The following EPN2 variants were observed in gnomAD, a reference collection of about 807,000 sequenced individuals.
The protein encoded by EPN2 is epsin-2.
A neutral mutation model predicts 61.7 loss-of-function variants in EPN2; 34 were observed. That is an observed-to-expected ratio of 0.55 (90% CI 0.42 to 0.73). EPN2 has a LOEUF of 0.73. Ranked by LOEUF, EPN2 falls within the 30% of genes least tolerant of loss-of-function variation. EPN2 has a pLI of 0.00. For synonymous variants in EPN2, 349 were observed against 353.6 expected (o/e 0.99, Z 0.15); for missense variants, 714 against 839.2 (o/e 0.85, Z 1.84).
At chr17:19,332,680 C>G (rs1015661744) in intron 10 of EPN2, among the ~76,000 whole-genome samples, 1 of 152,194 alleles carries the variant, frequency 6.6e-6, no homozygotes, top group Non-Finnish European at 1.5e-5. Flanking sequence ...CCTGTAGAGC[C>G]CTTCCTTAAG....
chr17:19,328,834 G>A lies in EPN2; in HGVS notation c.1271G>A (p.Arg424Lys). The part of the protein sequence containing the change: ...SQQPASSAGK[R>K]ASDAWGAVST... ...CAGCCTGCCTCCAGTGCTGGGAAAA[G>A]AGCTTCTGACGCGTGGGGCGCAGTC... Residue 424 changes from arginine (R) to lysine (K), a missense_variant, in exon 8 of 11, where the codon AGA becomes AAA. Coordinates refer to ENST00000314728, the MANE Select transcript of EPN2 (RefSeq NM_014964.5). 1.9e-6 allele frequency: 3 copies of A among 1,613,598 alleles called. No homozygotes were observed. The highest frequency in any genetic ancestry group is 2.5e-6 in the Non-Finnish European group (3 of 1,179,680).
At chr17:19,327,257 A>G (rs567157930) in intron 7 of EPN2, among the ~76,000 whole-genome samples, 4 of 152,332 alleles carry the variant, frequency 2.6e-5, no homozygotes, top group South Asian at 4.1e-4. Flanking sequence ...TTTTTTTCAT[A>G]GAATGGAACA....
At chr17:19,258,078 C>T (rs1050578049) in intron 1 of EPN2, 2 of 154,436 alleles carry the variant, frequency 1.3e-5, no homozygotes, top group African/African-American at 4.8e-5. Context: ...CTTTGCTGGA[C>T]TTATAGGGCG....
chr17:19,295,366 A>ACACGCGCGCGCG lies in EPN2; in HGVS notation c.766+9577_766+9578insACGCGCGCGCGC, dbSNP rs147719775. 5.2e-3 allele frequency among the ~76,000 whole-genome samples: 725 copies of ACACGCGCGCGCG among 140,314 alleles called. 7 individuals carry two copies. The highest frequency in any genetic ancestry group is 0.017 in the African/African-American group (618 of 36,346). 92.1% of individuals were successfully genotyped at this position (140,314 alleles called of 152,430 possible). A position where few individuals can be genotyped will look rare whatever the true frequency, so the allele number is the denominator to read the frequency against. Reference sequence around the variant, plus strand: ...TACACACACACACACACACACACACACGCGCGTGCGCGCAAAATAGCCAGG... The same window carrying ACACGCGCGCGCG: ...TACACACACACACACACACACACACACACGCGCGCGCGCGCGCGTGCGCGCAAAATAGCCAGG... On this transcript the variant is annotated intron_variant, in intron 4 of 10. Coordinates refer to ENST00000314728, the MANE Select transcript of EPN2 (RefSeq NM_014964.5).
At chr17:19,258,653 G>A (rs888134129) in intron 1 of EPN2, among the ~76,000 whole-genome samples, 5 of 152,176 alleles carry the variant, frequency 3.3e-5, no homozygotes, top group Non-Finnish European at 7.3e-5. Flanking sequence ...TTAACCTAGA[G>A]AGCTAGTCCA....
At chr17:19,314,714 C>G (rs1158532115) in intron 7 of EPN2, among the ~76,000 whole-genome samples, 1 of 152,240 alleles carries the variant, frequency 6.6e-6, no homozygotes, top group Non-Finnish European at 1.5e-5. Flanking sequence ...CCACAGCTTT[C>G]ATTGACTGAA....
At chr17:19,327,299 GA>G (rs1227622043) in intron 7 of EPN2, among the ~76,000 whole-genome samples, 2 of 152,052 alleles carry the variant, frequency 1.3e-5, no homozygotes, top group Admixed American at 1.3e-4. Context: ...CAACACAGAT[GA>G]CTCTCTCAAA....
In EPN2 at chr17:19,285,484, G is replaced by C; in HGVS notation, c.596-136G>C. On this transcript the variant is annotated intron_variant, in intron 3 of 10. Coordinates refer to ENST00000314728, the MANE Select transcript of EPN2 (RefSeq NM_014964.5). This position sits in a 1 kb window ranked among gnomAD's most constrained non-coding sequence, Gnocchi z 4.5. Reference sequence around the variant, plus strand: ...GTTCAGGGTCAGAATGTGGTCAGTGGGCTTTTCACAGCTTCCACCGCAGTG... The same window carrying C: ...GTTCAGGGTCAGAATGTGGTCAGTGCGCTTTTCACAGCTTCCACCGCAGTG... 7.6e-7 allele frequency: 1 copy of C among 1,318,020 alleles called. No homozygotes were observed. The highest frequency in any genetic ancestry group is 2.0e-5 in the South Asian group (1 of 50,928). The allele number at this position is 1,318,020 out of a possible 1,614,324, so 81.6% of individuals were successfully genotyped here. A position where few individuals can be genotyped will look rare whatever the true frequency, so the allele number is the denominator to read the frequency against.
At position 19,286,875 on chromosome 17, in the gene EPN2, C is replaced by A. The variant is rs577700464; in HGVS notation, c.766+1085C>A. Among the ~76,000 whole-genome samples the A allele has an allele frequency of 4.6e-5, 7 of 152,262 alleles. No individual in the cohort carries two copies. The South Asian group carries it at 1.5e-3, about 32-fold the overall frequency. ...AAAGAATGTAAATGATAAAAGCATT[C>A]GTTAAAGGGTCACCCAGAGGCATTG... On this transcript the variant is annotated intron_variant, in intron 4 of 10. Coordinates refer to ENST00000314728, the MANE Select transcript of EPN2 (RefSeq NM_014964.5).
chr17:19,329,656 A>G lies in EPN2; in HGVS notation c.1411+9A>G. The stretch of plus-strand genomic sequence containing the variant: ...GACTTCAAAAAAAACAGGTATGTAC[A>G]GGTGATGATGGTTTCCATAATCCTC... On this transcript the variant is annotated intron_variant, in intron 9 of 10. Transcript: ENST00000314728. 1 of 1,540,224 alleles carries G rather than the reference A, an allele frequency of 6.5e-7. No homozygotes were observed. The highest frequency in any genetic ancestry group is 1.7e-5 in the Admixed American group (1 of 58,822).
At chr17:19,240,903 G>A (rs1334907034) in intron 1 of EPN2, among the ~76,000 whole-genome samples, 9 of 152,154 alleles carry the variant, frequency 5.9e-5, no homozygotes, top group Non-Finnish European at 1.0e-4. Flanking sequence ...CGAGGCAGGG[G>A]AGCACATTTT....
chr17:19,301,661 AC>A (rs1275223170), intron 4 of EPN2, among the ~76,000 whole-genome samples: 2 of 152,268 alleles, frequency 1.3e-5, no homozygotes, highest in Admixed American at 1.3e-4. Context: ...CTCTGCTGAC[AC>A]TAGCCTCAGA....
intron 3 of EPN2, among the ~76,000 whole-genome samples, chr17:19,284,244 A>G (rs116848112): frequency 6.6e-6 from 1 of 152,228 alleles, no homozygotes; most frequent in African/African-American, 2.4e-5. Context: ...TCCCTGCCAA[A>G]CATGCAAATG....
intron 1 of EPN2, among the ~76,000 whole-genome samples, chr17:19,256,672 T>G (rs1044661387): frequency 2.0e-5 from 3 of 152,034 alleles, no homozygotes; most frequent in Non-Finnish European, 4.4e-5. Context: ...GAGGGGCTCC[T>G]CTCCTTGTCT....
chr17:19,243,934 GGT>G (rs1350818398), intron 1 of EPN2, among the ~76,000 whole-genome samples: 2 of 152,164 alleles, frequency 1.3e-5, no homozygotes, highest in African/African-American at 4.8e-5. Context: ...TTTATGGGAA[GGT>G]GTGTAAGATG....
At chr17:19,277,129 G>T (rs573851709) in intron 1 of EPN2, among the ~76,000 whole-genome samples, 12 of 152,216 alleles carry the variant, frequency 7.9e-5, no homozygotes, top group African/African-American at 2.9e-4. Context: ...GCCCGGGCAC[G>T]GTGGCTCACG....
At chr17:19,327,630 C>T (rs1175417517) in intron 7 of EPN2, among the ~76,000 whole-genome samples, 2 of 152,072 alleles carry the variant, frequency 1.3e-5, no homozygotes, top group Non-Finnish European at 2.9e-5. Context: ...TGTGATTGCA[C>T]CACTGCACTC....
chr17:19,309,658 G>A (rs1906020552), intron 4 of EPN2, among the ~76,000 whole-genome samples: 1 of 152,190 alleles, frequency 6.6e-6, no homozygotes, highest in Non-Finnish European at 1.5e-5. Context: ...TCTTCTCTTG[G>A]TTGGTACCAG....
rs1455267928 is a variant in EPN2, at chr17:19,285,966, T to C, written c.766+176T>C. Among the ~76,000 whole-genome samples the C allele has an allele frequency of 6.6e-6, 1 of 152,214 alleles. No homozygotes were observed. The highest frequency in any genetic ancestry group is 1.5e-5 in the Non-Finnish European group (1 of 68,038). ...CTCCTGGGAGCTTGTGGCCTGGTCG[T>C]GCTCCGCTTCCAGGATCACATGTCA... On this transcript the variant is annotated intron_variant, in intron 4 of 10. Transcript: ENST00000314728. The surrounding 1 kb of genome is among the most constrained non-coding windows in gnomAD (Gnocchi z 4.5).
Sources: allele counts gnomAD v4.1 joint callset (sites outside exome capture counted in the v4.1 genomes callset), GRCh38; gene constraint gnomAD v4.1.1; non-coding constraint Gnocchi (gnomAD v3.1); transcripts MANE v1.5; gene names NCBI Gene and HGNC (gene_info 2026-07-23, HGNC 2026-07-21).